The following OVCH2 variants were observed in gnomAD, a reference collection of about 807,000 sequenced individuals.
OVCH2 encodes ovochymase 2, also known as ovochymase-2.
A neutral mutation model predicts 73.7 loss-of-function variants in OVCH2; 88 were observed. The observed-to-expected ratio is 1.19, with a 90% CI of 1.01 to 1.43. The LOEUF is 1.43. Ranked by LOEUF, OVCH2 falls within the 40% of genes most tolerant of loss-of-function variation. The probability of loss-of-function intolerance (pLI) is 0.00; values close to 1 mark genes in which losing one functional copy is unlikely to be tolerated. For synonymous variants in OVCH2, 265 were observed against 234.5 expected (o/e 1.13, Z -1.19); for missense variants, 706 against 674.5 (o/e 1.05, Z -0.52).
intron 8 of OVCH2, 77 bp downstream of exon 8, chr11:7,698,673 G>A (rs1267532373): frequency 1.3e-6 from 2 of 1,487,700 alleles, no homozygotes; most frequent in Non-Finnish European, 1.8e-6. Flanking sequence ...TGGAGAGGAA[G>A]ACTTCAGGAA....
Position 7,702,250 on chromosome 11 carries a change from T to C in OVCH2, c.370A>G (p.Ile124Val). The change falls in exon 4 of 16, where the codon ATT becomes GTT. Residue 124 changes from isoleucine to valine, a missense_variant. Ile to Val is a conservative substitution (Grantham distance 29, BLOSUM62 3). Transcript: ENST00000533663. ...TGTGGATGTATGATGACAGTTTCAA[T>C]AGTGAGAGTTTGCTCTCCTGGGTCT... ...QTDPGEQTLTIETVIIHPHFS... is the reference protein window; with the variant it reads ...QTDPGEQTLTVETVIIHPHFS... 6.2e-7 allele frequency: 1 copy of C among 1,612,842 alleles called. No individual in the cohort carries two copies. The highest frequency in any genetic ancestry group is 8.5e-7 in the Non-Finnish European group (1 of 1,179,236).
chr11:7,699,131 T>C (rs1002736416), intron 7 of OVCH2: 11 of 186,066 alleles, frequency 5.9e-5, no homozygotes, highest in Non-Finnish European at 2.2e-5. Context: ...AGGGCTCAGA[T>C]ACCTGCCACT....
rs1856180272 is a variant in OVCH2, at chr11:7,689,541, T to A, written c.*93A>T. ...TCTGTCTGAGGGCTGTGACGAGGAG[T>A]CTGCCCCAAGCCTCTCCTCTAGCTT... On this transcript the variant is annotated 3_prime_UTR_variant, in exon 16 of 16. Coordinates refer to ENST00000533663, the MANE Select transcript of OVCH2 (RefSeq NM_198185.7). 4.6e-6 allele frequency: 2 copies of A among 438,190 alleles called. No individual in the cohort carries two copies. The highest frequency in any genetic ancestry group is 9.2e-6 in the Non-Finnish European group (2 of 217,182). The allele number at this position is 438,190 out of a possible 1,614,324, so 27.1% of individuals were successfully genotyped here. A position where few individuals can be genotyped will look rare whatever the true frequency, so the allele number is the denominator to read the frequency against.
At chr11:7,701,251 TAAGAAAACTAG>T (rs1222533221) in intron 6 of OVCH2, 62 bp downstream of exon 6, 6 of 1,496,276 alleles carry the variant, frequency 4.0e-6, no homozygotes, top group African/African-American at 2.8e-5. Context: ...CACTGAAATT[TAAGAAAACTAG>T]AAGAAAACAA....
At chr11:7,680,600 C>T in the OVCH2 span, among the ~76,000 whole-genome samples, 1 of 152,142 alleles carries the variant, frequency 6.6e-6, no homozygotes, top group African/African-American at 2.4e-5. Context: ...GAGGGGCCAC[C>T]TGCCAAGGGA....
At chr11:7,698,807 C>G (rs1856381918) in intron 7 of OVCH2, 34 bp from the exon 8 acceptor site, 1 of 1,609,126 alleles carries the variant, frequency 6.2e-7, no homozygotes, top group Admixed American at 1.7e-5. Flanking sequence ...AATTGAAAGC[C>G]TGTGGTATCC....
Position 7,695,715 on chromosome 11 carries a change from A to T in OVCH2, c.1142-5T>A. 1 of 1,590,580 alleles carries T rather than the reference A, an allele frequency of 6.3e-7. No individual in the cohort carries two copies. Among genetic ancestry groups the T allele is most frequent in the East Asian group, 2.2e-5 (1 of 44,740 alleles). On this transcript the variant is annotated splice_region_variant and splice_polypyrimidine_tract_variant and intron_variant, in intron 10 of 15. Coordinates refer to ENST00000533663, the MANE Select transcript of OVCH2 (RefSeq NM_198185.7). The stretch of plus-strand genomic sequence containing the variant: ...GGCTTTCTCCACAAAATTTTCCTGC[A>T]GGATGAGAAAAAAGGATTCTTTGTT...
chr11:7,701,484 C>G lies in OVCH2; in HGVS notation c.560-9G>C. On this transcript the variant is annotated splice_polypyrimidine_tract_variant and intron_variant, in intron 5 of 15. Transcript: ENST00000533663. ...TTGTGAGAGGACGCCACCTGAAAAA[C>G]AGAGAGATGGAAGCCCCAGCAGGAA... The G allele has an allele frequency of 6.2e-7, 1 of 1,607,886 alleles. No individual in the cohort carries two copies. The highest frequency in any genetic ancestry group is 2.2e-5 in the East Asian group (1 of 44,702).
chr11:7,702,360 T>C (rs745929633), intron 3 of OVCH2, 31 bp from the exon 4 acceptor site: 5 of 1,507,440 alleles, frequency 3.3e-6, no homozygotes, highest in Non-Finnish European at 4.5e-6. Context: ...AATGAATGAA[T>C]TTCATTGTGC....
At chr11:7,695,848 T>C (rs1182580580) in intron 10 of OVCH2, 138 bp from the exon 11 acceptor site, 1 of 1,196,234 alleles carries the variant, frequency 8.4e-7, no homozygotes, top group Non-Finnish European at 1.2e-6. Context: ...ACAATTGACA[T>C]TTTGAGCCAG....
At chr11:7,702,098 G>A in intron 4 of OVCH2, 59 bp downstream of exon 4, 1 of 1,420,608 alleles carries the variant, frequency 7.0e-7, no homozygotes, top group Non-Finnish European at 9.8e-7. Flanking sequence ...AATGTGCTAT[G>A]GCACAGAGGT....
chr11:7,680,201 A>G, the OVCH2 span, among the ~76,000 whole-genome samples: 977 of 152,302 alleles, frequency 6.4e-3, 22 homozygotes, highest in African/African-American at 0.022. Flanking sequence ...GGTGGGTGGC[A>G]GTCTTAGGGA....
At chr11:7,692,089 T>G in intron 12 of OVCH2, 94 bp from the exon 13 acceptor site, 1 of 862,446 alleles carries the variant, frequency 1.2e-6, no homozygotes, top group South Asian at 1.5e-5. Flanking sequence ...CAACTTGTTC[T>G]GGAGTAAGAC....
At chr11:7,704,976 G>T (rs982114806) in intron 1 of OVCH2, among the ~76,000 whole-genome samples, 1 of 152,130 alleles carries the variant, frequency 6.6e-6, no homozygotes, top group African/African-American at 2.4e-5. Flanking sequence ...TGAAAAAGTT[G>T]TTTTTATTTA....
the OVCH2 span, among the ~76,000 whole-genome samples, chr11:7,681,638 C>G: frequency 1.3e-5 from 2 of 152,026 alleles, no homozygotes; most frequent in Non-Finnish European, 2.9e-5. Context: ...TGCTTCAACT[C>G]TTTATAAACG....
downstream of OVCH2, among the ~76,000 whole-genome samples, chr11:7,684,487 T>TATATATAC (rs148272247): frequency 3.5e-3 from 506 of 143,514 alleles, 2 homozygotes; most frequent in East Asian, 0.014. Context: ...TATATATATA[T>TATATATAC]ACACACACAT....
intron 4 of OVCH2, 140 bp downstream of exon 4, chr11:7,702,017 G>T (rs1856450055): frequency 1.1e-6 from 1 of 870,652 alleles, no homozygotes; most frequent in Non-Finnish European, 1.8e-6. Context: ...CAAGCAAAAA[G>T]AGTTTCAGGT....
chr11:7,696,804 G>C lies in OVCH2; in HGVS notation c.926-5C>G. 1 of 1,604,080 alleles carries C rather than the reference G, an allele frequency of 6.2e-7. No individual in the cohort carries two copies. Among genetic ancestry groups the C allele is most frequent in the Non-Finnish European group, 8.5e-7 (1 of 1,175,426 alleles). On this transcript the variant is annotated splice_region_variant and splice_polypyrimidine_tract_variant and intron_variant, in intron 8 of 15. Transcript: ENST00000533663. ...CATCCTGCTCACTGCACCAGGCTGGGAGGGAAAGCCAGGAGAGTCAGGGTT... is the reference window on the plus strand; with the variant it reads ...CATCCTGCTCACTGCACCAGGCTGGCAGGGAAAGCCAGGAGAGTCAGGGTT...
intron 4 of OVCH2, 125 bp from the exon 5 acceptor site, chr11:7,701,936 C>T: frequency 2.3e-6 from 2 of 868,908 alleles, no homozygotes; most frequent in Admixed American, 2.6e-5. Flanking sequence ...CTCTGCCTGG[C>T]ACCTCCAGGG....
Sources: gnomAD v4.1 joint callset for allele counts (sites outside exome capture counted in the v4.1 genomes callset) on GRCh38, gnomAD v4.1.1 for gene constraint, MANE v1.5 for transcripts, NCBI Gene and HGNC (gene_info 2026-07-23, HGNC 2026-07-21) for gene names.